The following ADCY9 variants were observed in gnomAD, a reference collection of about 807,000 sequenced individuals.
ADCY9 encodes adenylate cyclase 9.
ADCY9 carries 50 observed loss-of-function variants against 101.5 expected under a neutral mutation model. The ratio of observed to expected loss-of-function variants is 0.49; its 90% confidence interval spans 0.39 to 0.62. The LOEUF is 0.62. ADCY9 is among the 20% of genes least tolerant of loss of function. The probability of loss-of-function intolerance (pLI) is 0.00; values close to 1 mark genes in which losing one functional copy is unlikely to be tolerated. For missense variants in ADCY9, 1,662 were observed against 1,800.4 expected (o/e 0.92, Z 1.39); for synonymous variants, 905 against 769.3 (o/e 1.18, Z -2.92).
At position 4,113,730 on chromosome 16, in the gene ADCY9, A is replaced by T; in HGVS notation, c.1693+20T>A. 1 of 1,595,568 alleles carries T rather than the reference A, an allele frequency of 6.3e-7. No individual in the cohort carries two copies. The highest frequency in any genetic ancestry group is 8.6e-7 in the Non-Finnish European group (1 of 1,167,046). ...TCAGGATCAGGGAGGGGGGATGCCG[A>T]GGTAAAGCAGTGCACATACCTTTCA... On this transcript the variant is annotated intron_variant, in intron 2 of 10. Transcript: ENST00000294016.
chr16:4,087,841 CTTCT>C (rs1359267910), intron 2 of ADCY9, among the ~76,000 whole-genome samples: 3 of 149,544 alleles, frequency 2.0e-5, no homozygotes, highest in East Asian at 1.9e-4. Flanking sequence ...TCCTTCCTTC[CTTCT>C]TTCTCTTTTC....
Position 3,965,325 on chromosome 16 carries a change from CAT to C in ADCY9, c.*448_*449del. The C allele has an allele frequency of 5.2e-6, 1 of 192,756 alleles. No homozygotes were observed. The allele number at this position is 192,756 out of a possible 1,614,324, so 11.9% of individuals were successfully genotyped here. On this transcript the variant is annotated 3_prime_UTR_variant, in exon 11 of 11. Transcript: ENST00000294016. Reference sequence around the variant, plus strand: ...GTCGGGTCGTAGAGGAACACTGTGACATAGACAGAAACAAAATAAACTCAAAA... The same window carrying C: ...GTCGGGTCGTAGAGGAACACTGTGACAGACAGAAACAAAATAAACTCAAAA...
chr16:3,967,695 T>A (rs775359853), intron 10 of ADCY9, among the ~76,000 whole-genome samples: 2 of 115,202 alleles, frequency 1.7e-5, no homozygotes, highest in African/African-American at 3.2e-5. Context: ...TGGCCTAACA[T>A]CTTTTTTTTT....
At chr16:4,095,608 T>TA (rs947447642) in intron 2 of ADCY9, among the ~76,000 whole-genome samples, 4 of 151,990 alleles carry the variant, frequency 2.6e-5, no homozygotes, top group Non-Finnish European at 4.4e-5. Flanking sequence ...TGAAGCACAT[T>TA]AAAAAAATAA....
chr16:4,114,110 A>G lies in ADCY9; in HGVS notation c.1333T>C (p.Tyr445His), dbSNP rs760522585. 6.2e-7 allele frequency: 1 copy of G among 1,613,864 alleles called. No homozygotes were observed. ...TCGGGACAGCCCGCCACGCAGTAGT[A>G]ACAGTCTCCCAGGGTGCTGATTTTC... ...CEKISTLGDC[Y>H]YCVAGCPEPR... The change falls in exon 2 of 11, where the codon TAC becomes CAC. Residue 445 changes from tyrosine (Y) to histidine (H), a missense_variant. Physicochemically the swap from Tyr to His is moderately conservative, Grantham distance 83. Around this residue, in one of 5 missense-constraint regions of ADCY9, gnomAD observed 228 missense variants for 301.1 expected, o/e 0.76. Transcript: ENST00000294016. This position sits in a 1 kb window ranked among gnomAD's most constrained non-coding sequence, Gnocchi z 4.3.
chr16:4,000,538 G>C (rs1481825904), intron 3 of ADCY9, among the ~76,000 whole-genome samples: 4 of 152,176 alleles, frequency 2.6e-5, no homozygotes, highest in Non-Finnish European at 5.9e-5. Context: ...TAGAAGAAAA[G>C]ATAAGCAGTA....
intron 2 of ADCY9, among the ~76,000 whole-genome samples, chr16:4,101,100 T>C (rs1009830116): frequency 6.6e-6 from 1 of 152,178 alleles, no homozygotes; most frequent in Non-Finnish European, 1.5e-5. Context: ...GTACTAGTGT[T>C]TTCTAATACA....
intron 2 of ADCY9, among the ~76,000 whole-genome samples, chr16:4,054,426 G>A (rs568409202): frequency 9.9e-5 from 15 of 152,172 alleles, no homozygotes; most frequent in East Asian, 5.8e-4. Context: ...CGCAGGGCTC[G>A]GTTCTGAAAT....
At position 4,116,282 on chromosome 16, in the gene ADCY9, G is replaced by T. The variant is rs1024336426; in HGVS notation, c.-636C>A. ...GCAGAGCCGGGCTCCCGCGACGCCG[G>T]CCGGGACGCCCGCCCGCCCGCGCCC... On this transcript the variant is annotated 5_prime_UTR_variant, in exon 1 of 11. Transcript: ENST00000294016. 5.5e-5 allele frequency: 8 copies of T among 145,852 alleles called. No individual in the cohort carries two copies. Among genetic ancestry groups the T allele is most frequent in the Non-Finnish European group, 1.1e-4 (7 of 65,518 alleles). 9.0% of individuals were successfully genotyped at this position (145,852 alleles called of 1,614,324 possible). A position where few individuals can be genotyped will look rare whatever the true frequency, so the allele number is the denominator to read the frequency against.
At chr16:4,027,085 T>G (rs2056520890) in intron 2 of ADCY9, among the ~76,000 whole-genome samples, 1 of 152,164 alleles carries the variant, frequency 6.6e-6, no homozygotes, top group Non-Finnish European at 1.5e-5. Flanking sequence ...CCAATCAGAC[T>G]GGTCACAGGC....
chr16:4,087,192 G>A (rs986924691), intron 2 of ADCY9, among the ~76,000 whole-genome samples: 2 of 151,894 alleles, frequency 1.3e-5, no homozygotes, highest in African/African-American at 2.4e-5. Context: ...TTTATGGTGA[G>A]GTTTTGTTTT....
chr16:4,073,223 T>C (rs977102657), intron 2 of ADCY9, among the ~76,000 whole-genome samples: 4 of 151,520 alleles, frequency 2.6e-5, no homozygotes, highest in Admixed American at 2.0e-4. Context: ...GCCTCCCAAG[T>C]AGCTGGAACT....
In ADCY9 at chr16:4,007,473, G is replaced by C; in HGVS notation, c.1779C>G (p.Val593=). 1 of 1,614,084 alleles carries C rather than the reference G, an allele frequency of 6.2e-7. No individual in the cohort carries two copies. Among genetic ancestry groups the C allele is most frequent in the East Asian group, 2.2e-5 (1 of 44,878 alleles). Residue 593 remains valine (V), a synonymous_variant, in exon 3 of 11, where the codon GTC becomes GTG. Transcript: ENST00000294016. ...CTGAGGACACCTGTGAGCCGTCAAT[G>C]ACCTCAAAGCCAGAAAGCAAGGCCT... ...CAEALLSGFE[V]IDGSQVSSGP...
intron 2 of ADCY9, among the ~76,000 whole-genome samples, chr16:4,056,773 T>C (rs956304778): frequency 5.9e-5 from 9 of 152,208 alleles, no homozygotes; most frequent in African/African-American, 2.2e-4. Flanking sequence ...ATATGTGCTG[T>C]TGTTATAATT....
In ADCY9 at chr16:3,966,768, G is replaced by A; in HGVS notation, c.3069C>T (p.Ser1023=). 6.2e-7 allele frequency: 1 copy of A among 1,614,238 alleles called. No homozygotes were observed. Among genetic ancestry groups the A allele is most frequent in the Non-Finnish European group, 8.5e-7 (1 of 1,180,048 alleles). Reference sequence around the variant, plus strand: ...GCAGCCAGTCTGCCTGGTCCCGCATGCTCTGGATCTTGGTGCGGTGAAGAT... The same window carrying A: ...GCAGCCAGTCTGCCTGGTCCCGCATACTCTGGATCTTGGTGCGGTGAAGAT... ...EADLHRTKIQ[S]MRDQADWLLR... Residue 1023 remains serine, a synonymous_variant, in exon 11 of 11, where the codon AGC becomes AGT. Transcript: ENST00000294016.
At chr16:3,994,557 G>T (rs1479085512) in intron 3 of ADCY9, among the ~76,000 whole-genome samples, 1 of 152,206 alleles carries the variant, frequency 6.6e-6, no homozygotes, top group Non-Finnish European at 1.5e-5. Context: ...CTGGGTTCAA[G>T]CGATTCTCCT....
intron 2 of ADCY9, among the ~76,000 whole-genome samples, chr16:4,086,808 C>T (rs763336879): frequency 2.0e-5 from 3 of 151,930 alleles, no homozygotes; most frequent in East Asian, 1.9e-4. Flanking sequence ...TACAGGCATG[C>T]GCCACCACGC....
intron 2 of ADCY9, among the ~76,000 whole-genome samples, chr16:4,061,429 G>T (rs1196635685): frequency 6.6e-6 from 1 of 152,044 alleles, no homozygotes. Flanking sequence ...CCAAACTGCT[G>T]GAAGCCAAAA....
chr16:4,035,930 C>T (rs747237244), intron 2 of ADCY9, among the ~76,000 whole-genome samples: 2 of 123,656 alleles, frequency 1.6e-5, no homozygotes, highest in Non-Finnish European at 3.2e-5. Flanking sequence ...ACCCGGAAGG[C>T]GGAGGTTGTG....
Sources: gnomAD v4.1 joint callset for allele counts (sites outside exome capture counted in the v4.1 genomes callset) on GRCh38, gnomAD v4.1.1 for gene constraint, gnomAD v4.1.1 regional missense constraint, Gnocchi (gnomAD v3.1) non-coding constraint, MANE v1.5 for transcripts, NCBI Gene and HGNC (gene_info 2026-07-23, HGNC 2026-07-21) for gene names.